Variants in IFNAR1 observed in about 807,000 individuals in gnomAD.
The protein encoded by IFNAR1 is interferon alpha and beta receptor subunit 1.
In IFNAR1, 47 loss-of-function variants were observed where a neutral mutation model predicts 62.1. The ratio of observed to expected loss-of-function variants is 0.76; its 90% CI spans 0.60 to 0.97. The LOEUF (loss-of-function observed/expected upper bound fraction) is 0.97. IFNAR1 is among the 50% of genes least tolerant of loss of function. The probability of loss-of-function intolerance (pLI) is 0.00; values close to 1 mark genes in which losing one functional copy is unlikely to be tolerated. For missense variants in IFNAR1, 638 were observed against 654.5 expected, an observed-to-expected ratio of 0.97 and a Z score of 0.27; for synonymous variants, 219 against 226.9, an observed-to-expected ratio of 0.97 and a Z score of 0.31.
upstream of IFNAR1, chr21:33,324,901 G>GTGTGTGTGTGTGTGTGTGTGTC: frequency 1.5e-6 from 1 of 647,474 alleles, no homozygotes; most frequent in East Asian, 2.8e-5. Context: ...CGGTGTGTGT[G>GTGTGTGTGTGTGTGTGTGTGTC]TCAGAAGAGG....
At chr21:33,324,965 G>C (rs1412053400), upstream of IFNAR1, 4 of 1,163,636 alleles carry the variant, frequency 3.4e-6, no homozygotes, top group Non-Finnish European at 5.0e-6. Flanking sequence ...CGTGTGCAGA[G>C]GGGCGGTGTG....
Position 33,335,582 on chromosome 21 carries a change from T to C in IFNAR1, c.135T>C (p.Phe45=). 1.2e-6 allele frequency: 2 copies of C among 1,608,318 alleles called. No homozygotes were observed. Among genetic ancestry groups the C allele is most frequent in the Non-Finnish European group, 1.7e-6 (2 of 1,177,062 alleles). The change falls in exon 2 of 11, where the codon TTT becomes TTC. Residue 45 remains phenylalanine (F), a synonymous_variant. Transcript: ENST00000270139. The part of the protein sequence containing the change: ...KVEVDIIDDN[F]ILRWNRSDES... ...AGGTCGACATCATAGATGACAACTTTATCCTGAGGTGGAACAGGAGCGATG... is the reference window on the plus strand; with the variant it reads ...AGGTCGACATCATAGATGACAACTTCATCCTGAGGTGGAACAGGAGCGATG...
Position 33,358,163 on chromosome 21 carries a change from C to T in IFNAR1, c.*2614C>T, listed in dbSNP as rs1294407912. 2 of 152,172 alleles carry T rather than the reference C, an allele frequency of 1.3e-5. No individual in the cohort carries two copies. Among genetic ancestry groups the T allele is most frequent in the Non-Finnish European group, 2.9e-5 (2 of 68,040 alleles). The allele number at this position is 152,172 out of a possible 1,614,324, so 9.4% of individuals were successfully genotyped here. A position where few individuals can be genotyped will look rare whatever the true frequency, so the allele number is the denominator to read the frequency against. ...TTTTCAGTGAACAAGCGCTGAGCAC[C>T]AGCAGCAGAAAACAACAACAAAAAA... On this transcript the variant is annotated 3_prime_UTR_variant, in exon 11 of 11. Coordinates refer to ENST00000270139, the MANE Select transcript of IFNAR1 (RefSeq NM_000629.3).
chr21:33,338,829 G>A (rs1018176820), intron 2 of IFNAR1, among the ~76,000 whole-genome samples: 4 of 150,798 alleles, frequency 2.7e-5, no homozygotes, highest in African/African-American at 9.8e-5. Context: ...CGCAACCTCC[G>A]CCTCCCGGGT....
At chr21:33,343,811 A>C in intron 5 of IFNAR1, 135 bp downstream of exon 5, 3 of 575,190 alleles carry the variant, frequency 5.2e-6, no homozygotes, top group Non-Finnish European at 9.0e-6. Context: ...CATAAGCAAA[A>C]TAAATGTTAC....
At chr21:33,336,876 G>A (rs1020602658) in intron 2 of IFNAR1, among the ~76,000 whole-genome samples, 2 of 150,244 alleles carry the variant, frequency 1.3e-5, no homozygotes, top group East Asian at 2.0e-4. Flanking sequence ...TTAGCCTCTC[G>A]AGTAGCTGGG....
rs2083216512 is a variant in IFNAR1, at chr21:33,334,724, G to C, written c.77-800G>C. 2.5e-6 allele frequency: 2 copies of C among 813,008 alleles called. 1 individual carries two copies. The allele number at this position is 813,008 out of a possible 1,614,324, so 50.4% of individuals were successfully genotyped here. ...CCACCTTCCCTGACCCCAGTGTCAA[G>C]TGATGCGCAGGGTGATCCAGGTGTG... is the stretch of plus-strand genomic sequence containing the variant. On this transcript the variant is annotated intron_variant, in intron 1 of 10. Transcript: ENST00000270139.
intron 2 of IFNAR1, 91 bp downstream of exon 2, chr21:33,335,738 TG>T (rs2083227746): frequency 1.8e-6 from 2 of 1,125,284 alleles, no homozygotes; most frequent in Non-Finnish European, 2.5e-6. Flanking sequence ...GGAAAGTGTT[TG>T]GTTTTTCTAT....
chr21:33,353,578 A>T, intron 9 of IFNAR1, 60 bp from the exon 10 acceptor site: 2 of 907,720 alleles, frequency 2.2e-6, no homozygotes, highest in East Asian at 5.4e-5. Flanking sequence ...CACAGCTGTC[A>T]GCACTGTTAA....
intron 1 of IFNAR1, chr21:33,334,939 A>G: frequency 1.3e-6 from 2 of 1,579,178 alleles, no homozygotes; most frequent in Non-Finnish European, 1.7e-6. Flanking sequence ...AGGGGGTACC[A>G]CATCAGGGAG....
chr21:33,350,273 A>G (rs2083386883), intron 8 of IFNAR1, among the ~76,000 whole-genome samples: 1 of 150,272 alleles, frequency 6.7e-6, no homozygotes, highest in Non-Finnish European at 1.5e-5. Flanking sequence ...TAGTTGTGAC[A>G]ACCAAAAACA....
In IFNAR1 at chr21:33,343,603, A is replaced by G. The variant is rs762872627; in HGVS notation, c.600A>G (p.Leu200=). ...TCTCACCAGAGACTACTTATTGTCTAAAAGTTAAAGCAGCACTACTTACGT... is the reference window on the plus strand; with the variant it reads ...TCTCACCAGAGACTACTTATTGTCTGAAAGTTAAAGCAGCACTACTTACGT... ...YKLSPETTYC[L]KVKAALLTSW... is the part of the protein sequence containing the mutation. Residue 200 remains leucine (L), a synonymous_variant, in exon 5 of 11, where the codon CTA becomes CTG. Coordinates refer to ENST00000270139, the MANE Select transcript of IFNAR1 (RefSeq NM_000629.3). The G allele has an allele frequency of 6.3e-7, 1 of 1,593,972 alleles. No individual in the cohort carries two copies. Among genetic ancestry groups the G allele is most frequent in the East Asian group, 2.2e-5 (1 of 44,680 alleles).
chr21:33,338,896 C>G (rs991368788), intron 2 of IFNAR1, among the ~76,000 whole-genome samples: 1 of 151,832 alleles, frequency 6.6e-6, no homozygotes, highest in Non-Finnish European at 1.5e-5. Flanking sequence ...GCATGCACCC[C>G]CACGCCCGGC....
intron 5 of IFNAR1, 140 bp from the exon 6 acceptor site, chr21:33,345,106 T>A (rs2083332992): frequency 3.5e-6 from 2 of 571,446 alleles, no homozygotes; most frequent in Non-Finnish European, 6.2e-6. Flanking sequence ...TTCAAATGGC[T>A]GCATAGTATT....
At chr21:33,353,584 G>A (rs2083418189) in intron 9 of IFNAR1, 54 bp from the exon 10 acceptor site, 2 of 1,046,634 alleles carry the variant, frequency 1.9e-6, no homozygotes, top group African/African-American at 3.3e-5. Context: ...TGTCAGCACT[G>A]TTAAGGCATT....
chr21:33,338,170 C>T (rs2083260114), intron 2 of IFNAR1, among the ~76,000 whole-genome samples: 1 of 152,128 alleles, frequency 6.6e-6, no homozygotes, highest in African/African-American at 2.4e-5. Context: ...TCACTCTAAT[C>T]ATCAGAGAAA....
At chr21:33,331,538 A>T (rs1265662084) in intron 1 of IFNAR1, among the ~76,000 whole-genome samples, 2 of 152,160 alleles carry the variant, frequency 1.3e-5, no homozygotes, top group African/African-American at 2.4e-5. Flanking sequence ...CTAGTCCTCT[A>T]GAGCCTGAGC....
rs150692647 is a variant in IFNAR1, at chr21:33,350,263, T to C, written c.1143+720T>C. 4.0e-3 allele frequency among the ~76,000 whole-genome samples: 595 copies of C among 150,558 alleles called. 2 individuals are homozygous for C. The highest frequency in any genetic ancestry group is 6.4e-3 in the Non-Finnish European group (432 of 67,782). On this transcript the variant is annotated intron_variant, in intron 8 of 10. Coordinates refer to ENST00000270139, the MANE Select transcript of IFNAR1 (RefSeq NM_000629.3). Reference sequence around the variant, plus strand: ...ACTAGATGCCAGTAGTGTTCCTTCCTAGTTGTGACAACCAAAAACATCTTC... The same window carrying C: ...ACTAGATGCCAGTAGTGTTCCTTCCCAGTTGTGACAACCAAAAACATCTTC...
chr21:33,334,522 GA>G (rs2083214366), intron 1 of IFNAR1: 1 of 413,180 alleles, frequency 2.4e-6, no homozygotes. Context: ...TTCTTAGATA[GA>G]CAAAAGCTAA....
Sources: allele counts gnomAD v4.1 joint callset (sites outside exome capture counted in the v4.1 genomes callset), GRCh38; gene constraint gnomAD v4.1.1; transcripts MANE v1.5; gene names NCBI Gene and HGNC (gene_info 2026-07-23, HGNC 2026-07-21).